The following FILIP1L variants were observed in gnomAD, a reference collection of about 807,000 sequenced individuals.
The protein encoded by FILIP1L is filamin A-interacting protein 1-like.
In FILIP1L, 55 loss-of-function variants were observed where a neutral mutation model predicts 96.6. The observed-to-expected ratio is 0.57, with a 90% CI of 0.46 to 0.71. FILIP1L has a LOEUF of 0.71. Ranked by LOEUF, FILIP1L falls within the 30% of genes least tolerant of loss-of-function variation. FILIP1L has a pLI of 0.00. For missense variants in FILIP1L, 1,304 were observed against 1,321.2 expected (o/e 0.99, Z 0.20); for synonymous variants, 467 against 473.9 (o/e 0.99, Z 0.19).
intron 4 of FILIP1L, among the ~76,000 whole-genome samples, chr3:99,893,192 G>C (rs775582220): frequency 3.7e-4 from 49 of 132,538 alleles, no homozygotes; most frequent in Non-Finnish European, 6.7e-4. Context: ...TTGAGATAGA[G>C]TCTCACTCTG....
chr3:99,913,481 A>C (rs1322032011), intron 4 of FILIP1L, among the ~76,000 whole-genome samples: 1 of 152,260 alleles, frequency 6.6e-6, no homozygotes, highest in African/African-American at 2.4e-5. Flanking sequence ...GTTACTGAGA[A>C]TCAATTAACC....
rs1398038536 is a variant in FILIP1L, at chr3:99,848,886, G to GT, written c.2789dup (p.Tyr930Ter). 3.1e-6 allele frequency: 5 copies of GT among 1,614,172 alleles called. No individual in the cohort carries two copies. The highest frequency in any genetic ancestry group is 4.2e-6 in the Non-Finnish European group (5 of 1,180,014). ...AGTTCGGTATCACTGCAGTACTCGT[G>GT]TAAGAGTGAGGACTCTCTGTGGTTG... ...TSPTTESPHS[Y>*]TSTAVIPNCG... is the part of the protein sequence containing the mutation. The change falls in exon 5 of 6, where the codon TAC (tyrosine) becomes TAAC (stop). Residue 930 changes from tyrosine to a stop codon, truncating the protein, a stop_gained and frameshift_variant. Transcript: ENST00000477258. LOFTEE classifies it high-confidence loss of function.
At position 99,850,006 on chromosome 3, in the gene FILIP1L, A is replaced by G; in HGVS notation, c.1670T>C (p.Met557Thr). The change falls in exon 5 of 6, where the codon ATG (methionine) becomes ACG (threonine). Residue 557 changes from methionine (M) to threonine (T), a missense_variant. Physicochemically the swap from Met to Thr is moderately conservative, Grantham distance 81. Transcript: ENST00000477258. ...ATCTCTCTCCTTGGTTACGCTGTAC[A>G]TCTTTTCTTCTACATCGGTTTTGGA... is the stretch of plus-strand genomic sequence containing the variant. ...LKSKTDVEEK[M>T]YSVTKERDDL... is the part of the protein sequence containing the mutation. The G allele has an allele frequency of 6.2e-7, 1 of 1,608,366 alleles. No individual in the cohort carries two copies. The highest frequency in any genetic ancestry group is 1.7e-4 in the Middle Eastern group (1 of 6,030).
intron 4 of FILIP1L, among the ~76,000 whole-genome samples, chr3:99,905,401 T>C (rs898051696): frequency 2.6e-5 from 4 of 152,198 alleles, no homozygotes; most frequent in Non-Finnish European, 5.9e-5. Context: ...TTCTAATTGC[T>C]CTTACTAGGA....
intron 3 of FILIP1L, among the ~76,000 whole-genome samples, chr3:99,928,262 AC>A (rs1287157509): frequency 1.3e-5 from 2 of 152,182 alleles, no homozygotes; most frequent in Non-Finnish European, 2.9e-5. Context: ...CTCACCTAGT[AC>A]TTCCTAGACC....
intron 4 of FILIP1L, among the ~76,000 whole-genome samples, chr3:99,884,456 C>G (rs147595962): frequency 6.7e-4 from 102 of 152,176 alleles, no homozygotes; most frequent in Middle Eastern, 3.4e-3. Context: ...AATATGGAAC[C>G]TCTATAAAGA....
At chr3:99,944,368 CA>C (rs548256252) in intron 1 of FILIP1L, among the ~76,000 whole-genome samples, 2 of 152,038 alleles carry the variant, frequency 1.3e-5, no homozygotes, top group African/African-American at 4.8e-5. Context: ...ACAGCTGTTC[CA>C]AAAAAGATGA....
Position 99,930,023 on chromosome 3 carries a change from C to T in FILIP1L, c.259G>A (p.Asp87Asn). 1 of 1,605,130 alleles carries T rather than the reference C, an allele frequency of 6.2e-7. No individual in the cohort carries two copies. ...GCCTTTAAAATGCCTATGACCTCAT[C>T]TCGAGCCTGTAGGAACAAAAAGTAT... is the stretch of plus-strand genomic sequence containing the variant. ...SILEGELQARDEVIGILKAEK... is the reference protein window; with the variant it reads ...SILEGELQARNEVIGILKAEK... Residue 87 changes from aspartate (D) to asparagine (N), a missense_variant, in exon 3 of 6, where the codon GAT (aspartate) becomes AAT (asparagine). Coordinates refer to ENST00000477258, the MANE Select transcript of FILIP1L (RefSeq NM_001387850.1).
chr3:100,014,887 C>CTTTTTTTTTT (rs1559725867), intron 1 of FILIP1L, among the ~76,000 whole-genome samples: 1 of 32,460 alleles, frequency 3.1e-5, no homozygotes, highest in African/African-American at 1.2e-4. Flanking sequence ...TTTTTTTTTT[C>CTTTTTTTTTT]TTTCTTTCTT....
chr3:99,879,426 A>ATTATT (rs1705646921), intron 4 of FILIP1L, among the ~76,000 whole-genome samples: 1 of 152,218 alleles, frequency 6.6e-6, no homozygotes, highest in Admixed American at 6.5e-5. Flanking sequence ...CAACATCATC[A>ATTATT]TTATTTAACT....
intron 1 of FILIP1L, among the ~76,000 whole-genome samples, chr3:100,093,676 A>G (rs1576050177): frequency 6.6e-6 from 1 of 152,182 alleles, no homozygotes; most frequent in Non-Finnish European, 1.5e-5. Flanking sequence ...CCTCATGTTC[A>G]CCTTTTATAG....
chr3:99,970,993 G>A (rs1182416909), intron 1 of FILIP1L, among the ~76,000 whole-genome samples: 1 of 152,188 alleles, frequency 6.6e-6, no homozygotes, highest in Non-Finnish European at 1.5e-5. Context: ...AGGAGGGGCT[G>A]TATTCACAAG....
chr3:99,961,606 T>C (rs1454317131), intron 1 of FILIP1L, among the ~76,000 whole-genome samples: 2 of 152,150 alleles, frequency 1.3e-5, no homozygotes, highest in African/African-American at 4.8e-5. Context: ...CCATATTATT[T>C]TGGGGAGCTG....
At chr3:99,852,081 C>T (rs879694771) in intron 4 of FILIP1L, among the ~76,000 whole-genome samples, 1 of 152,162 alleles carries the variant, frequency 6.6e-6, no homozygotes, top group East Asian at 1.9e-4. Flanking sequence ...GTCAGCATAA[C>T]AGGAGGGTAT....
chr3:100,079,502 C>A (rs1447014987), intron 1 of FILIP1L, among the ~76,000 whole-genome samples: 1 of 152,228 alleles, frequency 6.6e-6, no homozygotes, highest in African/African-American at 2.4e-5. Context: ...CTTCATAGTT[C>A]ATGAAAAATC....
At chr3:99,938,105 G>T (rs1423220254) in intron 1 of FILIP1L, among the ~76,000 whole-genome samples, 1 of 152,028 alleles carries the variant, frequency 6.6e-6, no homozygotes, top group East Asian at 1.9e-4. Context: ...ATGCACACTC[G>T]TGCTGGGTGG....
At chr3:100,049,964 C>T (rs2065342306) in intron 1 of FILIP1L, among the ~76,000 whole-genome samples, 1 of 152,166 alleles carries the variant, frequency 6.6e-6, no homozygotes, top group Non-Finnish European at 1.5e-5. Context: ...GTGACCCTAA[C>T]TTCTGAGTTG....
intron 1 of FILIP1L, among the ~76,000 whole-genome samples, chr3:100,022,578 G>A (rs557914086): frequency 1.3e-5 from 2 of 152,248 alleles, no homozygotes; most frequent in South Asian, 4.1e-4. Context: ...TATTCTTTTG[G>A]CTTCACAAGT....
chr3:99,869,321 C>T, intron 4 of FILIP1L, among the ~76,000 whole-genome samples: 1 of 152,016 alleles, frequency 6.6e-6, no homozygotes, highest in East Asian at 1.9e-4. Context: ...TTTTATGGGG[C>T]AGAATTTGGG....
Sources: allele counts gnomAD v4.1 joint callset (sites outside exome capture counted in the v4.1 genomes callset), GRCh38; gene constraint gnomAD v4.1.1; transcripts MANE v1.5; gene names NCBI Gene and HGNC (gene_info 2026-07-23, HGNC 2026-07-21).